The following STK32C variants were observed in gnomAD, a reference collection of about 807,000 sequenced individuals.
The protein encoded by STK32C is serine/threonine-protein kinase 32C.
STK32C carries 31 observed loss-of-function variants against 56.5 expected under a neutral mutation model. The ratio of observed to expected loss-of-function variants is 0.55; its 90% CI spans 0.41 to 0.74. The LOEUF is 0.74. STK32C is among the 30% of genes least tolerant of loss of function. The pLI, the probability that STK32C is intolerant of heterozygous loss-of-function variation, is 0.00. For missense variants in STK32C, 544 were observed against 676.9 expected (o/e 0.80, Z 2.18); for synonymous variants, 309 against 289.4 (o/e 1.07, Z -0.69).
At chr10:132,290,119 A>G (rs1259388845) in intron 1 of STK32C, among the ~76,000 whole-genome samples, 1 of 152,190 alleles carries the variant, frequency 6.6e-6, no homozygotes, top group Non-Finnish European at 1.5e-5. Flanking sequence ...CCCTATGGCC[A>G]GCAGATGCCT....
chr10:132,272,562 A>G (rs2064863027), intron 1 of STK32C, among the ~76,000 whole-genome samples: 2 of 152,088 alleles, frequency 1.3e-5, no homozygotes, highest in Non-Finnish European at 2.9e-5. Flanking sequence ...CTCACACCCC[A>G]GCCCGTCTGT....
chr10:132,295,697 G>A (rs1279330747), intron 1 of STK32C, among the ~76,000 whole-genome samples: 10 of 152,274 alleles, frequency 6.6e-5, no homozygotes, highest in Admixed American at 3.9e-4. Context: ...CAGCATGGCC[G>A]ACATGGCGAA....
intron 10 of STK32C, among the ~76,000 whole-genome samples, chr10:132,221,350 T>C (rs1339072512): frequency 2.1e-5 from 3 of 146,142 alleles, no homozygotes; most frequent in African/African-American, 7.7e-5. Context: ...CTGACGCACC[T>C]GGGCGAGTGT....
At chr10:132,261,254 C>T (rs1001804824) in intron 1 of STK32C, among the ~76,000 whole-genome samples, 7 of 152,286 alleles carry the variant, frequency 4.6e-5, no homozygotes, top group East Asian at 1.9e-4. Flanking sequence ...AGGAATGAGG[C>T]GCCTGGAACT....
chr10:132,222,355 C>A (rs1230487577), intron 10 of STK32C, among the ~76,000 whole-genome samples: 4 of 152,202 alleles, frequency 2.6e-5, no homozygotes. Context: ...CCCGCACACA[C>A]AACCAACACC....
At chr10:132,222,464 G>A (rs1322810298) in intron 10 of STK32C, among the ~76,000 whole-genome samples, 177 bp downstream of exon 10, 1 of 152,204 alleles carries the variant, frequency 6.6e-6, no homozygotes, top group Non-Finnish European at 1.5e-5. Flanking sequence ...TAAGGAGCGA[G>A]GTGGGGGCTG....
chr10:132,294,439 G>A lies in STK32C; in HGVS notation c.262+13133C>T, dbSNP rs370173929. ...GAACTGGAGGGGAGGCCTGCAGACG[G>A]CAGGGAGTGAGTGAGTTTGAGTTTT... On this transcript the variant is annotated intron_variant, in intron 1 of 11. Transcript: ENST00000298630. Among the ~76,000 whole-genome samples the A allele has an allele frequency of 7.9e-4, 121 of 152,304 alleles. No individual in the cohort carries two copies. The South Asian group carries it at 0.024, about 30-fold the overall frequency.
At chr10:132,287,191 G>C (rs2138277792) in intron 1 of STK32C, among the ~76,000 whole-genome samples, 1 of 152,190 alleles carries the variant, frequency 6.6e-6, no homozygotes, top group Admixed American at 6.5e-5. Flanking sequence ...CAGATTCATA[G>C]ATTTAAAAAA....
intron 1 of STK32C, among the ~76,000 whole-genome samples, chr10:132,292,144 A>G (rs1051650508): frequency 6.6e-6 from 1 of 152,174 alleles, no homozygotes; most frequent in African/African-American, 2.4e-5. Flanking sequence ...AGTCAAGAAG[A>G]GCAAGGACAT....
At chr10:132,265,042 G>A (rs1358588886) in intron 1 of STK32C, among the ~76,000 whole-genome samples, 1 of 152,032 alleles carries the variant, frequency 6.6e-6, no homozygotes, top group Non-Finnish European at 1.5e-5. Context: ...ACAGTAGAAG[G>A]TGCGAGCAGC....
rs2065470578 is a variant in STK32C, at chr10:132,288,302, TAGAA to T, written c.262+19266_262+19269del. Among the ~76,000 whole-genome samples, 4 of 152,346 alleles carry T rather than the reference TAGAA, an allele frequency of 2.6e-5. No homozygotes were observed. In the South Asian group the frequency reaches 6.2e-4, roughly 24 times the overall value. On this transcript the variant is annotated intron_variant, in intron 1 of 11. Transcript: ENST00000298630. ...GATCAAGCGCTGGTCGAAGATTTCT[TAGAA>T]AGAACACAAAAAGAACAAACCATAA...
At chr10:132,266,106 A>T (rs1020547150) in intron 1 of STK32C, among the ~76,000 whole-genome samples, 6 of 152,236 alleles carry the variant, frequency 3.9e-5, no homozygotes, top group African/African-American at 1.4e-4. Context: ...ATGAATAAAG[A>T]AATTATGTTA....
Position 132,301,684 on chromosome 10 carries a change from G to A in STK32C, c.262+5888C>T, listed in dbSNP as rs924072928. ...AACAGTGCGGGCTACTGGGCCGGGT[G>A]AAAATGCAAGATGTGAACCAGGAGC... On this transcript the variant is annotated intron_variant, in intron 1 of 11. Coordinates refer to ENST00000298630, the MANE Select transcript of STK32C (RefSeq NM_173575.4). 3.9e-5 allele frequency among the ~76,000 whole-genome samples: 6 copies of A among 152,364 alleles called. No individual in the cohort carries two copies. The South Asian group carries it at 6.2e-4, about 16-fold the overall frequency.
At chr10:132,331,464 G>C (rs759439357) in exon 1 of STK32C, 1 of 1,612,520 alleles carries the variant, frequency 6.2e-7, no homozygotes, top group Non-Finnish European at 8.5e-7. Flanking sequence ...TCACTCCTCC[G>C]TCCAGAGGCA....
intron 2 of STK32C, among the ~76,000 whole-genome samples, chr10:132,240,708 C>T (rs1288621313): frequency 4.6e-5 from 7 of 152,138 alleles, no homozygotes; most frequent in Non-Finnish European, 1.0e-4. Context: ...CTCTCTCTCC[C>T]TCGGACAGGG....
chr10:132,281,077 A>G (rs1471312162), intron 1 of STK32C, among the ~76,000 whole-genome samples: 1 of 151,318 alleles, frequency 6.6e-6, no homozygotes, highest in Non-Finnish European at 1.5e-5. Context: ...ATGCAACTAC[A>G]TTCTGTGATC....
Position 132,298,970 on chromosome 10 carries a change from T to C in STK32C, c.262+8602A>G, listed in dbSNP as rs529483375. Among the ~76,000 whole-genome samples the C allele has an allele frequency of 1.1e-4, 17 of 152,326 alleles. No individual in the cohort carries two copies. In the East Asian group the frequency reaches 2.9e-3, roughly 26 times the overall value. On this transcript the variant is annotated intron_variant, in intron 1 of 11. Transcript: ENST00000298630. ...GAGCTCACTGTGGGCCACTAGGCTA[T>C]GAGGAAATTCATTAAGCAGCATGGA...
intron 1 of STK32C, among the ~76,000 whole-genome samples, 169 bp from the exon 2 acceptor site, chr10:132,246,124 G>A (rs539589795): frequency 4.6e-5 from 7 of 152,342 alleles, no homozygotes; most frequent in African/African-American, 9.6e-5. Context: ...GGCAGGAGGG[G>A]GCTGAGCCCC....
intron 1 of STK32C, among the ~76,000 whole-genome samples, chr10:132,327,967 A>G (rs2066532493): frequency 6.6e-6 from 1 of 152,136 alleles, no homozygotes; most frequent in Admixed American, 6.6e-5. Context: ...GCCTGAGAGT[A>G]GTGGAGAACA....
Sources: gnomAD v4.1 joint callset for allele counts (sites outside exome capture counted in the v4.1 genomes callset) on GRCh38, gnomAD v4.1.1 for gene constraint, MANE v1.5 for transcripts, NCBI Gene and HGNC (gene_info 2026-07-23, HGNC 2026-07-21) for gene names.